ANKRD6: variants seen among roughly 807,000 people sequenced by gnomAD.
ANKRD6 encodes ankyrin repeat domain-containing protein 6.
In ANKRD6, 56 loss-of-function variants were observed where a neutral mutation model predicts 82.3. The ratio of observed to expected loss-of-function variants is 0.68; its 90% CI spans 0.55 to 0.85. The LOEUF (loss-of-function observed/expected upper bound fraction) is 0.85. Ranked by LOEUF, ANKRD6 falls within the 40% of genes least tolerant of loss-of-function variation. The pLI, the probability that ANKRD6 is intolerant of heterozygous loss-of-function variation, is 0.00. For missense variants in ANKRD6, 852 were observed against 907.6 expected, an observed-to-expected ratio of 0.94 and a Z score of 0.79; for synonymous variants, 347 against 352.1, an observed-to-expected ratio of 0.99 and a Z score of 0.16.
At chr6:89,491,295 C>G (rs990884213) in intron 1 of ANKRD6, among the ~76,000 whole-genome samples, 6 of 152,152 alleles carry the variant, frequency 3.9e-5, no homozygotes, top group African/African-American at 1.4e-4. Flanking sequence ...TGTTGGGATT[C>G]AGGACACGTG....
At chr6:89,583,137 C>T (rs1792949790) in intron 2 of ANKRD6, among the ~76,000 whole-genome samples, 1 of 152,194 alleles carries the variant, frequency 6.6e-6, no homozygotes, top group South Asian at 2.1e-4. Flanking sequence ...CAGAGAACTA[C>T]TCACTGCTGT....
At chr6:89,455,957 T>G (rs559467013) in intron 1 of ANKRD6, among the ~76,000 whole-genome samples, 3 of 152,182 alleles carry the variant, frequency 2.0e-5, no homozygotes, top group South Asian at 4.1e-4. Flanking sequence ...CACTGCAACC[T>G]CCACCTCCCA....
intron 1 of ANKRD6, among the ~76,000 whole-genome samples, chr6:89,501,318 A>C (rs529197552): frequency 2.0e-4 from 31 of 152,220 alleles, no homozygotes; most frequent in Non-Finnish European, 4.3e-4. Flanking sequence ...TTCAGCAAAA[A>C]GTCTTCTGTG....
chr6:89,611,611 A>T (rs1424758589), intron 5 of ANKRD6, among the ~76,000 whole-genome samples: 3 of 152,238 alleles, frequency 2.0e-5, no homozygotes, highest in Non-Finnish European at 4.4e-5. Flanking sequence ...AACAAGAAGG[A>T]CCCAAAAAGC....
intron 5 of ANKRD6, among the ~76,000 whole-genome samples, chr6:89,610,143 A>G (rs950546087): frequency 2.0e-5 from 3 of 152,156 alleles, no homozygotes; most frequent in Non-Finnish European, 4.4e-5. Context: ...GTTTTGAGAT[A>G]TAGGTATGAA....
At position 89,623,522 on chromosome 6, in the gene ANKRD6, G is replaced by A. The variant is rs1337401996; in HGVS notation, c.1010G>A (p.Arg337Lys). The change falls in exon 11 of 16, where the codon AGG (arginine) becomes AAG (lysine). Residue 337 changes from arginine to lysine, a missense_variant. Physicochemically the swap from Arg to Lys is conservative, Grantham distance 26. Transcript: ENST00000339746. Reference sequence around the variant, plus strand: ...CCAGAACCCAGAGCAAAGGATGACAGGAGGAGAAAGTCAAGGCCCAAGGTC... The same window carrying A: ...CCAGAACCCAGAGCAAAGGATGACAAGAGGAGAAAGTCAAGGCCCAAGGTC... ...ASPEPRAKDD[R>K]RRKSRPKVSA... 1.3e-6 allele frequency: 2 copies of A among 1,587,340 alleles called. No homozygotes were observed. The highest frequency in any genetic ancestry group is 2.3e-5 in the East Asian group (1 of 43,602).
At position 89,433,919 on chromosome 6, in the gene ANKRD6, C is replaced by CT. The variant is rs1417194829; in HGVS notation, c.-144+545dup. ...TCCCGGGGTCCAGAGAGTCGGCGTG[C>CT]TGTCTGGTTTGGGTCCAGACATCAG... On this transcript the variant is annotated intron_variant, in intron 1 of 15. Transcript: ENST00000339746. The surrounding 1 kb of genome is among the most constrained non-coding windows in gnomAD (Gnocchi z 4.3). Among the ~76,000 whole-genome samples, 2 of 152,246 alleles carry CT rather than the reference C, an allele frequency of 1.3e-5. No individual in the cohort carries two copies. The highest frequency in any genetic ancestry group is 2.9e-5 in the Non-Finnish European group (2 of 68,044).
In ANKRD6 at chr6:89,544,575, G is replaced by T. The variant is rs530080087; in HGVS notation, c.-143-22259G>T. 2.6e-5 allele frequency among the ~76,000 whole-genome samples: 4 copies of T among 152,080 alleles called. No homozygotes were observed. The East Asian group carries it at 7.8e-4, about 30-fold the overall frequency. ...TAATAATACAAAAAATTAGCTGGGC[G>T]TAGTGGCAGGCGCCTGTAGTTCCAG... On this transcript the variant is annotated intron_variant, in intron 1 of 15. Transcript: ENST00000339746.
Position 89,441,620 on chromosome 6 carries a change from C to CTTTTTTTTTTTTT in ANKRD6, c.-144+8260_-144+8272dup, listed in dbSNP as rs71556522. 5.0e-5 allele frequency among the ~76,000 whole-genome samples: 4 copies of CTTTTTTTTTTTTT among 80,470 alleles called. 1 individual carries two copies. The highest frequency in any genetic ancestry group is 9.2e-5 in the Non-Finnish European group (4 of 43,402). The allele number at this position is 80,470 out of a possible 152,430, so 52.8% of individuals were successfully genotyped here. On this transcript the variant is annotated intron_variant, in intron 1 of 15. Coordinates refer to ENST00000339746, the MANE Select transcript of ANKRD6 (RefSeq NM_001242809.2). ...CATAGCCTTGGTTTTCTTTTCTTTC[C>CTTTTTTTTTTTTT]TTTTTTTTTTTTTTTTTTTTTTTTT...
intron 1 of ANKRD6, among the ~76,000 whole-genome samples, chr6:89,440,256 A>G (rs1325095185): frequency 6.6e-6 from 1 of 152,268 alleles, no homozygotes; most frequent in Non-Finnish European, 1.5e-5. Flanking sequence ...AACAAAGAAC[A>G]GTACACTTTT....
chr6:89,612,016 G>A (rs968336994), intron 5 of ANKRD6, among the ~76,000 whole-genome samples: 1 of 152,212 alleles, frequency 6.6e-6, no homozygotes, highest in African/African-American at 2.4e-5. Context: ...ATTTGAAAAG[G>A]CTGGCTTTTA....
intron 2 of ANKRD6, among the ~76,000 whole-genome samples, chr6:89,582,533 T>C (rs1792786855): frequency 6.6e-6 from 1 of 152,190 alleles, no homozygotes; most frequent in South Asian, 2.1e-4. Flanking sequence ...TGGCATTAAC[T>C]GCAGTCAACA....
chr6:89,602,849 G>A (rs905117018), intron 3 of ANKRD6, 180 bp from the exon 4 acceptor site: 6 of 544,068 alleles, frequency 1.1e-5, no homozygotes, highest in South Asian at 2.6e-5. Flanking sequence ...GCCAGCGTGC[G>A]TTGTCTACTA....
At position 89,630,859 on chromosome 6, in the gene ANKRD6, A is replaced by G. The variant is rs967989722; in HGVS notation, c.2039A>G (p.Glu680Gly). 3.1e-6 allele frequency: 5 copies of G among 1,613,732 alleles called. No homozygotes were observed. The African/African-American group carries it at 6.7e-5, about 22-fold the overall frequency. Residue 680 changes from glutamate (E) to glycine (G), a missense_variant, in exon 16 of 16, where the codon GAA becomes GGA. Transcript: ENST00000339746. ...TTTGAGGCTGTTTCTACCCAGATGG[A>G]AAAGTGGTATGAAAGGAAGATTGAA... ...YFFEAVSTQM[E>G]KWYERKIEEA...
At chr6:89,624,212 G>C (rs1420390206) in intron 12 of ANKRD6, among the ~76,000 whole-genome samples, 155 bp downstream of exon 12, 1 of 152,194 alleles carries the variant, frequency 6.6e-6, no homozygotes, top group Admixed American at 6.5e-5. Context: ...CCTGCACGGT[G>C]CAGATCCACT....
At chr6:89,551,169 G>A (rs4706343) in intron 1 of ANKRD6, among the ~76,000 whole-genome samples, 1 of 152,014 alleles carries the variant, frequency 6.6e-6, no homozygotes, top group Non-Finnish European at 1.5e-5. Context: ...TTGTTAGGAA[G>A]GGGGTGGGAT....
intron 1 of ANKRD6, among the ~76,000 whole-genome samples, chr6:89,530,020 G>A (rs1054279913): frequency 2.0e-5 from 3 of 152,152 alleles, no homozygotes; most frequent in Admixed American, 6.5e-5. Context: ...TGGGGAGGCC[G>A]AGGTGGGTGG....
intron 1 of ANKRD6, among the ~76,000 whole-genome samples, chr6:89,494,373 T>C (rs1429642750): frequency 6.6e-6 from 1 of 152,206 alleles, no homozygotes; most frequent in Non-Finnish European, 1.5e-5. Flanking sequence ...GGATTCTTTC[T>C]AAACTGACTT....
intron 7 of ANKRD6, 78 bp downstream of exon 7, chr6:89,613,968 G>C: frequency 6.9e-7 from 1 of 1,444,154 alleles, no homozygotes; most frequent in Middle Eastern, 1.8e-4. Flanking sequence ...GTGCAAACGG[G>C]AGCAGAGGCT....
Sources: allele counts gnomAD v4.1 joint callset (sites outside exome capture counted in the v4.1 genomes callset), GRCh38; gene constraint gnomAD v4.1.1; non-coding constraint Gnocchi (gnomAD v3.1); transcripts MANE v1.5; gene names NCBI Gene and HGNC (gene_info 2026-07-23, HGNC 2026-07-21).